The following CSMD1 variants were observed in gnomAD, a reference collection of about 807,000 sequenced individuals.
The protein encoded by CSMD1 is CUB and sushi domain-containing protein 1.
Under a neutral mutation model 417.5 loss-of-function variants are expected in CSMD1, and 213 were observed. The ratio of observed to expected loss-of-function variants is 0.51; its 90% CI spans 0.46 to 0.57. The LOEUF is 0.57. CSMD1 is among the 20% of genes least tolerant of loss of function. CSMD1 has a pLI of 0.00. For synonymous variants in CSMD1, 2,862 were observed against 1,736.8 expected, an observed-to-expected ratio of 1.65 and a Z score of -16.11; for missense variants, 6,923 against 4,529.7, an observed-to-expected ratio of 1.53 and a Z score of -15.17.
intron 6 of CSMD1, among the ~76,000 whole-genome samples, chr8:3,724,818 T>C (rs1474532979): frequency 1.3e-5 from 2 of 152,234 alleles, no homozygotes; most frequent in Non-Finnish European, 2.9e-5. Flanking sequence ...AAACTGTAGG[T>C]ATTTTCTTAT....
chr8:4,496,882 G>C (rs919122058), intron 2 of CSMD1, among the ~76,000 whole-genome samples: 1 of 152,124 alleles, frequency 6.6e-6, no homozygotes, highest in Non-Finnish European at 1.5e-5. Context: ...TCTTTCCCAG[G>C]CTTTCCAGAC....
chr8:4,439,233 A>T (rs572885827), intron 2 of CSMD1, among the ~76,000 whole-genome samples: 59 of 152,282 alleles, frequency 3.9e-4, no homozygotes, highest in Non-Finnish European at 7.6e-4. Flanking sequence ...ACTTTATATG[A>T]AATATATTGC....
At chr8:4,683,600 T>C (rs2116725313) in intron 1 of CSMD1, among the ~76,000 whole-genome samples, 1 of 152,292 alleles carries the variant, frequency 6.6e-6, no homozygotes, top group Non-Finnish European at 1.5e-5. Flanking sequence ...AGAAAACCTT[T>C]CATCAGACAG....
chr8:2,940,664 T>A (rs1054444498), intron 69 of CSMD1, among the ~76,000 whole-genome samples: 1 of 152,174 alleles, frequency 6.6e-6, no homozygotes, highest in African/African-American at 2.4e-5. Flanking sequence ...TACATTGCCT[T>A]AAAGTTAAGA....
intron 1 of CSMD1, among the ~76,000 whole-genome samples, chr8:4,729,683 G>A (rs1809720620): frequency 6.6e-6 from 1 of 152,192 alleles, no homozygotes; most frequent in Non-Finnish European, 1.5e-5. Context: ...ACTAGCTGTT[G>A]TTTGAAAGTT....
chr8:4,622,496 A>G (rs1185232190), intron 2 of CSMD1, among the ~76,000 whole-genome samples: 1 of 152,136 alleles, frequency 6.6e-6, no homozygotes, highest in Non-Finnish European at 1.5e-5. Context: ...AGCAGAAATT[A>G]GTAAGAATGT....
rs373403953 is a variant in CSMD1, at chr8:4,062,576, AG to A, written c.416-30478del. On this transcript the variant is annotated intron_variant, in intron 3 of 69. Coordinates refer to ENST00000635120, the MANE Select transcript of CSMD1 (RefSeq NM_033225.6). ...CATTTCGTGAAACATATCCTATAAA[AG>A]TTTTCAGTGATACGTCCCAGATCTG... 3.2e-3 allele frequency among the ~76,000 whole-genome samples: 483 copies of A among 152,288 alleles called. 5 individuals are homozygous for A. The highest frequency in any genetic ancestry group is 0.011 in the African/African-American group (459 of 41,562).
At chr8:3,781,696 C>T (rs765214141) in intron 5 of CSMD1, among the ~76,000 whole-genome samples, 16 of 152,178 alleles carry the variant, frequency 1.1e-4, no homozygotes, top group South Asian at 4.1e-4. Context: ...CTCCAGCCTA[C>T]GGAGGTTCTA....
In CSMD1 at chr8:4,792,066, G is replaced by A. The variant is rs1381288989; in HGVS notation, c.86-154508C>T. ...CATTCTTACCCAAGATTCACTGCCT[G>A]GTTTTAACTTTAATTCTTTCTATAT... On this transcript the variant is annotated intron_variant, in intron 1 of 69. Transcript: ENST00000635120. Among the ~76,000 whole-genome samples, 3 of 152,036 alleles carry A rather than the reference G, an allele frequency of 2.0e-5. No homozygotes were observed. The East Asian group carries it at 5.8e-4, about 30-fold the overall frequency.
chr8:3,571,158 A>T (rs1436882390), intron 10 of CSMD1, among the ~76,000 whole-genome samples: 1 of 152,152 alleles, frequency 6.6e-6, no homozygotes, highest in Non-Finnish European at 1.5e-5. Flanking sequence ...CCAACTGACT[A>T]TGAGAGAAAA....
At chr8:4,365,179 C>T (rs1172969302) in intron 3 of CSMD1, among the ~76,000 whole-genome samples, 4 of 152,010 alleles carry the variant, frequency 2.6e-5, no homozygotes, top group African/African-American at 9.7e-5. Flanking sequence ...GGTAGTTTTG[C>T]TCACAATAAA....
intron 5 of CSMD1, among the ~76,000 whole-genome samples, chr8:3,981,620 T>C (rs1421186824): frequency 6.6e-6 from 1 of 152,130 alleles, no homozygotes; most frequent in Non-Finnish European, 1.5e-5. Context: ...AGAGCAGTAT[T>C]GTTCCCTTTG....
chr8:3,561,092 G>A (rs572222996), intron 10 of CSMD1, among the ~76,000 whole-genome samples: 17 of 152,308 alleles, frequency 1.1e-4, no homozygotes, highest in East Asian at 1.9e-4. Context: ...ACCACAGTGA[G>A]ATGCCACCTC....
At chr8:4,083,457 T>G (rs1369865260) in intron 3 of CSMD1, among the ~76,000 whole-genome samples, 1 of 152,138 alleles carries the variant, frequency 6.6e-6, no homozygotes, top group Non-Finnish European at 1.5e-5. Flanking sequence ...AAGGCTACAG[T>G]AACCAAAACA....
intron 4 of CSMD1, among the ~76,000 whole-genome samples, chr8:4,011,260 C>T (rs754650662): frequency 6.6e-6 from 1 of 152,160 alleles, no homozygotes; most frequent in Non-Finnish European, 1.5e-5. Context: ...TACCAGTTTT[C>T]TTCTCTTTCA....
intron 46 of CSMD1, among the ~76,000 whole-genome samples, chr8:3,099,689 T>C (rs555666758): frequency 6.6e-6 from 1 of 152,304 alleles, no homozygotes; most frequent in East Asian, 1.9e-4. Flanking sequence ...TATTCGCACA[T>C]CCTGGGGTTT....
chr8:3,584,021 A>G (rs1327811985), intron 9 of CSMD1, among the ~76,000 whole-genome samples: 1 of 152,136 alleles, frequency 6.6e-6, no homozygotes, highest in Non-Finnish European at 1.5e-5. Context: ...CATCCACTAT[A>G]AAAACACCTC....
At chr8:4,992,491 G>A (rs1040270563) in intron 1 of CSMD1, among the ~76,000 whole-genome samples, 2 of 152,184 alleles carry the variant, frequency 1.3e-5, no homozygotes, top group Non-Finnish European at 2.9e-5. Context: ...GGGAAAGGGC[G>A]GGAAGTTTTG....
chr8:3,881,345 GC>G (rs1185021084), intron 5 of CSMD1, among the ~76,000 whole-genome samples: 1 of 150,074 alleles, frequency 6.7e-6, no homozygotes, highest in Non-Finnish European at 1.5e-5. Context: ...TATATAAAAA[GC>G]AAGTTGGGGC....
Sources: allele counts gnomAD v4.1 joint callset (sites outside exome capture counted in the v4.1 genomes callset), GRCh38; gene constraint gnomAD v4.1.1; transcripts MANE v1.5; gene names NCBI Gene and HGNC (gene_info 2026-07-23, HGNC 2026-07-21).